The following RAB19 variants were observed in gnomAD, a reference collection of about 807,000 sequenced individuals.
RAB19 encodes RAB19, member RAS oncogene family, also known as ras-related protein Rab-19.
Under a neutral mutation model 17.3 loss-of-function variants are expected in RAB19, and 21 were observed. The ratio of observed to expected loss-of-function variants is 1.21; its 90% CI spans 0.86 to 1.74. The LOEUF (loss-of-function observed/expected upper bound fraction) is 1.74, where lower values mean the gene tolerates loss of function less well. Among genes scored for constraint, RAB19 ranks in the 40% most tolerant of loss-of-function variants. The pLI is 0.00. For synonymous variants in RAB19, 126 were observed against 110.4 expected (o/e 1.14, Z -0.88); for missense variants, 277 against 286.8 (o/e 0.97, Z 0.25).
intron 1 of RAB19, among the ~76,000 whole-genome samples, chr7:140,407,181 G>A (rs369151696): frequency 1.6e-4 from 25 of 152,124 alleles, no homozygotes; most frequent in African/African-American, 6.0e-4. Flanking sequence ...CATCGTGCAC[G>A]GCCTGGATGG....
At chr7:140,407,557 C>A in intron 1 of RAB19, 67 bp from the exon 2 acceptor site, 1 of 1,150,412 alleles carries the variant, frequency 8.7e-7, no homozygotes, top group Non-Finnish European at 1.3e-6. Flanking sequence ...AAGGTAATGA[C>A]CTCCCTTCGT....
intron 2 of RAB19, among the ~76,000 whole-genome samples, chr7:140,410,368 G>A (rs1208263345): frequency 2.3e-5 from 3 of 129,700 alleles, no homozygotes; most frequent in South Asian, 2.6e-4. Context: ...CACCCAGGCC[G>A]AACTGCGGAC....
At chr7:140,411,198 G>C (rs559231829) in intron 2 of RAB19, 1 of 1,117,414 alleles carries the variant, frequency 8.9e-7, no homozygotes, top group African/African-American at 1.6e-5. Context: ...AGGAGATCGA[G>C]ACCATCCTGG....
intron 2 of RAB19, chr7:140,410,927 G>A (rs750366115): frequency 2.9e-6 from 4 of 1,367,600 alleles, no homozygotes; most frequent in Non-Finnish European, 3.9e-6. Context: ...GTATTATTGT[G>A]AGAACATTCC....
chr7:140,409,446 G>A (rs936789265), intron 2 of RAB19, among the ~76,000 whole-genome samples: 3 of 152,100 alleles, frequency 2.0e-5, no homozygotes, highest in African/African-American at 7.2e-5. Context: ...TGTAATCCCA[G>A]CACTTTTGGA....
chr7:140,411,790 G>A (rs1799367370), intron 2 of RAB19, 84 bp from the exon 3 acceptor site: 1 of 1,608,702 alleles, frequency 6.2e-7, no homozygotes, highest in Non-Finnish European at 8.5e-7. Context: ...CCAGAAAACT[G>A]TGTTTTTAAG....
At chr7:140,420,672 G>T (rs1046646105) in intron 3 of RAB19, among the ~76,000 whole-genome samples, 5 of 152,214 alleles carry the variant, frequency 3.3e-5, no homozygotes, top group African/African-American at 1.2e-4. Context: ...TGCCCTCATG[G>T]TATGGGGGAT....
At chr7:140,415,410 T>A (rs138777953) in intron 3 of RAB19, among the ~76,000 whole-genome samples, 26 of 152,252 alleles carry the variant, frequency 1.7e-4, no homozygotes, top group African/African-American at 6.3e-4. Flanking sequence ...TTCTTCAACA[T>A]CTGATATTTG....
chr7:140,412,736 G>A (rs1456580676), intron 3 of RAB19, among the ~76,000 whole-genome samples: 1 of 150,532 alleles, frequency 6.6e-6, no homozygotes, highest in African/African-American at 2.4e-5. Flanking sequence ...ATTTTTTATG[G>A]GTATCTAGTA....
chr7:140,425,638 CGCTTGAACCTG>C (rs1554442921), intron 3 of RAB19, among the ~76,000 whole-genome samples: 2 of 151,678 alleles, frequency 1.3e-5, no homozygotes, highest in Non-Finnish European at 2.9e-5. Context: ...GCAGGAGAAT[CGCTTGAACCTG>C]GGAGACGGAG....
At chr7:140,413,016 C>T (rs1228840224) in intron 3 of RAB19, among the ~76,000 whole-genome samples, 1 of 151,938 alleles carries the variant, frequency 6.6e-6, no homozygotes, top group Non-Finnish European at 1.5e-5. Context: ...GTCCCAGCTA[C>T]TCAGGAGGCT....
rs1019305923 is a variant in RAB19 at position 140,425,787 on chromosome 7, C to T, written c.386-95C>T. The T allele has an allele frequency of 6.9e-6, 9 of 1,297,812 alleles. No individual in the cohort carries two copies. The African/African-American group carries it at 8.9e-5, about 13-fold the overall frequency. The allele number at this position is 1,297,812 out of a possible 1,614,324, so 80.4% of individuals were successfully genotyped here. On this transcript the variant is annotated intron_variant, in intron 3 of 3. Coordinates refer to ENST00000537763, the MANE Select transcript of RAB19 (RefSeq NM_001008749.3). ...CCATTTGTGAATGAATGCATGCATG[C>T]CTATTGAAGAACTAAAATGTTACTT...
intron 3 of RAB19, among the ~76,000 whole-genome samples, chr7:140,420,588 G>C (rs1799541043): frequency 6.6e-6 from 1 of 152,082 alleles, no homozygotes; most frequent in Non-Finnish European, 1.5e-5. Flanking sequence ...TTTTCAGGCA[G>C]TGGGGTGCTC....
intron 3 of RAB19, among the ~76,000 whole-genome samples, chr7:140,415,360 C>A (rs892321501): frequency 1.3e-5 from 2 of 152,104 alleles, no homozygotes; most frequent in Non-Finnish European, 2.9e-5. Flanking sequence ...AGGGAGCCAA[C>A]CTTTTTTGTA....
Position 140,412,789 on chromosome 7 carries a change from GAA to G in RAB19, c.385+733_385+734del, listed in dbSNP as rs1799391197. Among the ~76,000 whole-genome samples, 3 of 151,440 alleles carry G rather than the reference GAA, an allele frequency of 2.0e-5. No individual in the cohort carries two copies. The South Asian group carries it at 6.3e-4, about 32-fold the overall frequency. On this transcript the variant is annotated intron_variant, in intron 3 of 3. Transcript: ENST00000537763. ...GGTACAGTGGGTTCTTAAAAAGAAA[GAA>G]GAGGCAATTTCTAAGTGTTTACCAA... is the stretch of plus-strand genomic sequence containing the variant.
chr7:140,426,089 T>G lies in RAB19; in HGVS notation c.593T>G (p.Leu198Arg). 6.2e-7 allele frequency: 1 copy of G among 1,614,182 alleles called. No homozygotes were observed. Among genetic ancestry groups the G allele is most frequent in the Non-Finnish European group, 8.5e-7 (1 of 1,180,034 alleles). The change falls in exon 4 of 4, where the codon CTG (leucine) becomes CGG (arginine). Residue 198 changes from leucine (L) to arginine (R), a missense_variant. Leu to Arg is a moderately radical substitution (Grantham distance 102). Transcript: ENST00000537763. Reference protein sequence around the residue: ...YGESALNGLPLDSSPVLMAQG... With the variant: ...YGESALNGLPRDSSPVLMAQG... ...GAGAGTGCCCTGAACGGCCTCCCCC[T>G]GGACTCCAGCCCCGTTCTTATGGCC...
intron 3 of RAB19, among the ~76,000 whole-genome samples, chr7:140,421,678 T>C (rs1799565361): frequency 2.0e-5 from 3 of 152,040 alleles, no homozygotes; most frequent in Admixed American, 2.0e-4. Flanking sequence ...TTTATTATGT[T>C]TTGTAGAGAT....
At chr7:140,414,696 A>G (rs951384972) in intron 3 of RAB19, among the ~76,000 whole-genome samples, 2 of 152,112 alleles carry the variant, frequency 1.3e-5, no homozygotes, top group Non-Finnish European at 2.9e-5. Flanking sequence ...GAATCCAGAA[A>G]AATTCGTGTT....
intron 3 of RAB19, among the ~76,000 whole-genome samples, chr7:140,424,198 C>A (rs1330589970): frequency 6.8e-6 from 1 of 148,130 alleles, no homozygotes; most frequent in African/African-American, 2.5e-5. Flanking sequence ...GCTGTTGTCA[C>A]CCAGGCTGGA....
Sources: gnomAD v4.1 joint callset for allele counts (sites outside exome capture counted in the v4.1 genomes callset) on GRCh38, gnomAD v4.1.1 for gene constraint, MANE v1.5 for transcripts, NCBI Gene and HGNC (gene_info 2026-07-23, HGNC 2026-07-21) for gene names.